Variants in CEP112 observed in about 807,000 individuals in gnomAD.
CEP112 encodes centrosomal protein of 112 kDa.
A neutral mutation model predicts 153.0 loss-of-function variants in CEP112; 127 were observed. The ratio of observed to expected loss-of-function variants is 0.83; its 90% CI spans 0.72 to 0.96. CEP112 has a LOEUF of 0.96. Among genes scored for constraint, CEP112 ranks in the 40% least tolerant of loss-of-function variants. The pLI, the probability that CEP112 is intolerant of heterozygous loss-of-function variation, is 0.00. For missense variants in CEP112, 1,089 were observed against 1,101.2 expected, an observed-to-expected ratio of 0.99 and a Z score of 0.16; for synonymous variants, 358 against 374.4, an observed-to-expected ratio of 0.96 and a Z score of 0.51.
chr17:65,965,518 C>CTTTTTT (rs1555734628), intron 17 of CEP112, among the ~76,000 whole-genome samples: 26 of 122,088 alleles, frequency 2.1e-4, no homozygotes, highest in African/African-American at 5.6e-4. Context: ...CTTCTGCCCC[C>CTTTTTT]TTTTTTTTTT....
In CEP112 at chr17:66,021,721, G is replaced by A. The variant is rs370289108; in HGVS notation, c.1656+5780C>T. ...GCTGACTACCTCTAGACCCCTGTCAGGGCTGGTGCTTGTGCCTACTGTTGG... is the reference window on the plus strand; with the variant it reads ...GCTGACTACCTCTAGACCCCTGTCAAGGCTGGTGCTTGTGCCTACTGTTGG... On this transcript the variant is annotated intron_variant, in intron 16 of 26. Transcript: ENST00000535342. 9.5e-4 allele frequency among the ~76,000 whole-genome samples: 145 copies of A among 152,286 alleles called. 2 individuals are homozygous for A. The South Asian group carries it at 0.029, about 30-fold the overall frequency.
At chr17:66,086,366 T>C (rs2067929076) in intron 8 of CEP112, among the ~76,000 whole-genome samples, 1 of 145,858 alleles carries the variant, frequency 6.9e-6, no homozygotes, top group Non-Finnish European at 1.5e-5. Context: ...CAAGTAGACA[T>C]AAGATTTTCT....
At chr17:66,071,161 T>G (rs982440283) in intron 8 of CEP112, among the ~76,000 whole-genome samples, 28 of 152,118 alleles carry the variant, frequency 1.8e-4, no homozygotes, top group African/African-American at 6.0e-4. Flanking sequence ...GATAAACATA[T>G]ATATCATATT....
chr17:65,804,814 G>A (rs1050406037), intron 21 of CEP112, among the ~76,000 whole-genome samples: 7 of 151,838 alleles, frequency 4.6e-5, no homozygotes, highest in African/African-American at 1.5e-4. Context: ...ATATCACCAT[G>A]TTAGGTGAGG....
chr17:66,111,403 G>A (rs976516489), intron 6 of CEP112, among the ~76,000 whole-genome samples: 1 of 152,052 alleles, frequency 6.6e-6, no homozygotes, highest in African/African-American at 2.4e-5. Flanking sequence ...AGACACACGC[G>A]AATGTTCATT....
chr17:65,665,374 A>C (rs2046639538), intron 24 of CEP112, among the ~76,000 whole-genome samples: 1 of 152,232 alleles, frequency 6.6e-6, no homozygotes, highest in African/African-American at 2.4e-5. Context: ...CCTCAAGGCC[A>C]ACTCAAGGGT....
chr17:65,964,717 A>T (rs2062346771), intron 17 of CEP112, among the ~76,000 whole-genome samples: 1 of 151,946 alleles, frequency 6.6e-6, no homozygotes, highest in Non-Finnish European at 1.5e-5. Flanking sequence ...GTGCTGTGGC[A>T]CTGTTTACAA....
chr17:65,976,965 C>T (rs913182434), intron 17 of CEP112, among the ~76,000 whole-genome samples: 4 of 151,962 alleles, frequency 2.6e-5, no homozygotes, highest in African/African-American at 9.7e-5. Context: ...CTCAAACTCC[C>T]GACCTCAGGT....
At chr17:65,830,023 A>AT (rs1347813905) in intron 21 of CEP112, among the ~76,000 whole-genome samples, 1 of 152,122 alleles carries the variant, frequency 6.6e-6, no homozygotes, top group Non-Finnish European at 1.5e-5. Flanking sequence ...AGTAAAATAT[A>AT]TTTTTTCATT....
chr17:65,889,586 CTCTTCT>C (rs2059395108), intron 20 of CEP112, among the ~76,000 whole-genome samples: 1 of 152,066 alleles, frequency 6.6e-6, no homozygotes, highest in Non-Finnish European at 1.5e-5. Flanking sequence ...AGCAGTGTGT[CTCTTCT>C]TCTAATTCTC....
chr17:65,923,251 T>C (rs1371672377), intron 19 of CEP112, among the ~76,000 whole-genome samples: 1 of 152,248 alleles, frequency 6.6e-6, no homozygotes, highest in Non-Finnish European at 1.5e-5. Flanking sequence ...GAAAATGATC[T>C]GTCAGCTCTA....
intron 21 of CEP112, among the ~76,000 whole-genome samples, chr17:65,841,907 T>TAC (rs970112105): frequency 0.02 from 1,466 of 74,390 alleles, 3 homozygotes; most frequent in Non-Finnish European, 0.035. Context: ...TGTACACACA[T>TAC]ACACACACAC....
intron 4 of CEP112, among the ~76,000 whole-genome samples, chr17:66,136,136 G>T (rs1356644933): frequency 6.6e-6 from 1 of 152,164 alleles, no homozygotes; most frequent in African/African-American, 2.4e-5. Context: ...TTACTTAAGG[G>T]ACTTGTTGCT....
intron 23 of CEP112, among the ~76,000 whole-genome samples, chr17:65,735,070 T>C (rs2050722253): frequency 6.6e-6 from 1 of 152,192 alleles, no homozygotes; most frequent in South Asian, 2.1e-4. Flanking sequence ...ACATCACTGA[T>C]AATATCACTG....
intron 4 of CEP112, among the ~76,000 whole-genome samples, chr17:66,167,743 T>C (rs1349439343): frequency 1.3e-5 from 2 of 152,216 alleles, no homozygotes; most frequent in African/African-American, 4.8e-5. Context: ...CATTCCAATA[T>C]TGGATCCATC....
chr17:65,756,421 A>G (rs902685439), intron 21 of CEP112, among the ~76,000 whole-genome samples: 8 of 151,088 alleles, frequency 5.3e-5, no homozygotes, highest in South Asian at 4.2e-4. Flanking sequence ...AAAAAAAAAA[A>G]AAAAAAAAAA....
Position 65,635,548 on chromosome 17 carries a change from AAAT to A in CEP112, c.*420_*422del. ...AGTAGAAATAAAACTGGTAAGTACAAAATAATATTTTAATAACATAGGAACATG... is the reference window on the plus strand; with the variant it reads ...AGTAGAAATAAAACTGGTAAGTACAAAATATTTTAATAACATAGGAACATG... On this transcript the variant is annotated 3_prime_UTR_variant, in exon 27 of 27. Coordinates refer to ENST00000535342, the MANE Select transcript of CEP112 (RefSeq NM_001199165.4). 5.6e-6 allele frequency: 1 copy of A among 177,974 alleles called. No homozygotes were observed. Among genetic ancestry groups the A allele is most frequent in the Non-Finnish European group, 1.2e-5 (1 of 85,716 alleles). 11.0% of individuals were successfully genotyped at this position (177,974 alleles called of 1,614,324 possible). A position where few individuals can be genotyped will look rare whatever the true frequency, so the allele number is the denominator to read the frequency against.
chr17:65,851,544 T>C (rs1364835470), intron 21 of CEP112, among the ~76,000 whole-genome samples: 1 of 152,176 alleles, frequency 6.6e-6, no homozygotes, highest in Non-Finnish European at 1.5e-5. Context: ...TATTACAACG[T>C]GTATTTAATT....
chr17:65,750,897 AGC>A, intron 21 of CEP112, 173 bp from the exon 22 acceptor site: 32 of 542,562 alleles, frequency 5.9e-5, no homozygotes, highest in South Asian at 2.8e-4. Flanking sequence ...TCACTTAAAA[AGC>A]AAAAAAAAAA....
Sources: gnomAD v4.1 joint callset for allele counts (sites outside exome capture counted in the v4.1 genomes callset) on GRCh38, gnomAD v4.1.1 for gene constraint, MANE v1.5 for transcripts, NCBI Gene and HGNC (gene_info 2026-07-23, HGNC 2026-07-21) for gene names.